Variants in EEFSEC observed in about 807,000 individuals in gnomAD.
EEFSEC encodes the protein selenocysteine-specific elongation factor.
A neutral mutation model predicts 42.1 loss-of-function variants in EEFSEC; 43 were observed. The ratio of observed to expected loss-of-function variants is 1.02; its 90% CI spans 0.80 to 1.32. EEFSEC has a LOEUF of 1.32. EEFSEC is among the 40% of genes most tolerant of loss of function. The pLI, the probability that EEFSEC is intolerant of heterozygous loss-of-function variation, is 0.00. For missense variants in EEFSEC, 745 were observed against 803.6 expected (o/e 0.93, Z 0.88); for synonymous variants, 354 against 339.1 (o/e 1.04, Z -0.48).
intron 6 of EEFSEC, among the ~76,000 whole-genome samples, chr3:128,379,052 C>G (rs551125853): frequency 1.3e-5 from 2 of 152,318 alleles, no homozygotes; most frequent in Admixed American, 1.3e-4. Flanking sequence ...AACCATCCAT[C>G]TTTCTCCTGG....
intron 1 of EEFSEC, among the ~76,000 whole-genome samples, chr3:128,243,470 G>A (rs1356675037): frequency 6.6e-6 from 1 of 152,210 alleles, no homozygotes; most frequent in African/African-American, 2.4e-5. Flanking sequence ...TGTTGAAGAA[G>A]AGGAACAGAT....
chr3:128,269,046 T>G (rs778631102), intron 4 of EEFSEC, among the ~76,000 whole-genome samples: 4 of 152,220 alleles, frequency 2.6e-5, no homozygotes, highest in Non-Finnish European at 4.4e-5. Context: ...GCTCACCATC[T>G]TGGGCTTCTG....
Position 128,358,331 on chromosome 3 carries a change from A to C in EEFSEC, c.1558A>C (p.Ser520Arg). The C allele has an allele frequency of 6.2e-7, 1 of 1,614,268 alleles. No homozygotes were observed. Among genetic ancestry groups the C allele is most frequent in the Non-Finnish European group, 8.5e-7 (1 of 1,180,042 alleles). Residue 520 changes from serine (S) to arginine (R), a missense_variant, in exon 6 of 7, where the codon AGT (serine) becomes CGT (arginine). Coordinates refer to ENST00000254730, the MANE Select transcript of EEFSEC (RefSeq NM_021937.5). ...LSTGELGIID[S>R]AFGQSGKFKI... ...CACTGGGGAACTGGGCATCATCGAC[A>C]GTGCCTTCGGCCAGAGCGGCAAGTT... is the stretch of plus-strand genomic sequence containing the variant.
In EEFSEC at chr3:128,394,836, G is replaced by A. The variant is rs72977378; in HGVS notation, c.1601-13233G>A. Among the ~76,000 whole-genome samples the A allele has an allele frequency of 9.2e-4, 140 of 152,324 alleles. 1 individual carries two copies. The highest frequency in any genetic ancestry group is 3.2e-3 in the African/African-American group (135 of 41,564). Reference sequence around the variant, plus strand: ...GGGTGAGTCCTAGCCCCACAGGGGAGCAGAGGACAGCCTGAGAGCATATGG... The same window carrying A: ...GGGTGAGTCCTAGCCCCACAGGGGAACAGAGGACAGCCTGAGAGCATATGG... On this transcript the variant is annotated intron_variant, in intron 6 of 6. Transcript: ENST00000254730.
intron 1 of EEFSEC, among the ~76,000 whole-genome samples, chr3:128,237,171 A>G (rs2066021618): frequency 6.6e-6 from 1 of 152,250 alleles, no homozygotes; most frequent in African/African-American, 2.4e-5. Context: ...TGTATGTAGT[A>G]TGCATTTTAA....
In EEFSEC at chr3:128,171,678, A is replaced by G. The variant is rs115498243; in HGVS notation, c.316+17855A>G. Among the ~76,000 whole-genome samples, 698 of 152,266 alleles carry G rather than the reference A, an allele frequency of 4.6e-3. 4 individuals are homozygous for G. Among genetic ancestry groups the G allele is most frequent in the African/African-American group, 0.015 (615 of 41,552 alleles). On this transcript the variant is annotated intron_variant, in intron 1 of 6. Transcript: ENST00000254730. ...GATCTCCCTGCCTTCCAGAGGCACA[A>G]TGTTCTATCTGAACCATAGGCCATG...
At chr3:128,378,234 A>T (rs1173474070) in intron 6 of EEFSEC, among the ~76,000 whole-genome samples, 1 of 152,142 alleles carries the variant, frequency 6.6e-6, no homozygotes. Context: ...TCTCATCCAG[A>T]TGCCCTTTGT....
At chr3:128,195,485 A>C (rs1014616416) in intron 1 of EEFSEC, among the ~76,000 whole-genome samples, 4 of 152,178 alleles carry the variant, frequency 2.6e-5, no homozygotes, top group African/African-American at 9.6e-5. Context: ...TGATCAGCAG[A>C]TAAAAGGACA....
At chr3:128,415,428 A>G in the EEFSEC span, among the ~76,000 whole-genome samples, 1 of 151,154 alleles carries the variant, frequency 6.6e-6, no homozygotes, top group Non-Finnish European at 1.5e-5. Flanking sequence ...TCTGGGTGGA[A>G]GTTGTGTAAT....
At chr3:128,380,780 G>T (rs138922523) in intron 6 of EEFSEC, among the ~76,000 whole-genome samples, 1 of 152,214 alleles carries the variant, frequency 6.6e-6, no homozygotes, top group African/African-American at 2.4e-5. Flanking sequence ...TTGTGTCCAC[G>T]TCTCCACAAT....
In EEFSEC at chr3:128,312,907, T is replaced by G. The variant is rs373541848; in HGVS notation, c.787-28326T>G. 5.3e-5 allele frequency among the ~76,000 whole-genome samples: 8 copies of G among 152,354 alleles called. No homozygotes were observed. In the East Asian group the frequency reaches 1.5e-3, roughly 29 times the overall value. On this transcript the variant is annotated intron_variant, in intron 4 of 6. Transcript: ENST00000254730. ...ATTCTAAACTTCTAGAAAGAGATAGTTCCCTGGGAAGATGGTCTGGTTTGA... is the reference window on the plus strand; with the variant it reads ...ATTCTAAACTTCTAGAAAGAGATAGGTCCCTGGGAAGATGGTCTGGTTTGA...
intron 1 of EEFSEC, among the ~76,000 whole-genome samples, chr3:128,236,935 C>G (rs773021797): frequency 1.3e-5 from 2 of 152,218 alleles, no homozygotes; most frequent in African/African-American, 2.4e-5. Context: ...TTTGCTCTAC[C>G]CTACTGGACT....
intron 6 of EEFSEC, among the ~76,000 whole-genome samples, chr3:128,401,739 T>G (rs966134696): frequency 6.6e-6 from 1 of 151,968 alleles, no homozygotes; most frequent in Non-Finnish European, 1.5e-5. Context: ...GATAGCCAGG[T>G]GGGATGAGGG....
chr3:128,247,169 C>T (rs1260288541), intron 2 of EEFSEC, 126 bp downstream of exon 2: 3 of 999,828 alleles, frequency 3.0e-6, no homozygotes, highest in Non-Finnish European at 4.5e-6. Flanking sequence ...GAGATCTCAA[C>T]CTGGCATTTG....
At chr3:128,228,917 T>G (rs893988032) in intron 1 of EEFSEC, among the ~76,000 whole-genome samples, 16 of 152,230 alleles carry the variant, frequency 1.1e-4, no homozygotes, top group African/African-American at 3.9e-4. Context: ...GGAAAGGGCT[T>G]GGTAAGAATA....
At chr3:128,417,864 C>A in the EEFSEC span, among the ~76,000 whole-genome samples, 2 of 152,040 alleles carry the variant, frequency 1.3e-5, no homozygotes, top group Non-Finnish European at 2.9e-5. This position sits in a 1 kb window ranked among gnomAD's most constrained non-coding sequence, Gnocchi z 4.3. Context: ...CCATGCTGCA[C>A]CCCAGGTCCT....
intron 1 of EEFSEC, among the ~76,000 whole-genome samples, chr3:128,158,255 ACTC>A: frequency 6.6e-6 from 1 of 152,268 alleles, no homozygotes; most frequent in Non-Finnish European, 1.5e-5. Flanking sequence ...GATGGAACCT[ACTC>A]CTGGTGAAGA....
intron 6 of EEFSEC, among the ~76,000 whole-genome samples, chr3:128,399,439 C>T (rs929657665): frequency 4.6e-5 from 7 of 152,220 alleles, no homozygotes; most frequent in African/African-American, 1.4e-4. Context: ...CCCGCTCCGC[C>T]GCCTGCTTCC....
chr3:128,211,661 G>A (rs888419431), intron 1 of EEFSEC, among the ~76,000 whole-genome samples: 5 of 151,376 alleles, frequency 3.3e-5, no homozygotes, highest in Admixed American at 6.6e-5. Context: ...GACTACAGGT[G>A]CATGCCACTG....
Sources: allele counts gnomAD v4.1 joint callset (sites outside exome capture counted in the v4.1 genomes callset), GRCh38; gene constraint gnomAD v4.1.1; non-coding constraint Gnocchi (gnomAD v3.1); transcripts MANE v1.5; gene names NCBI Gene and HGNC (gene_info 2026-07-23, HGNC 2026-07-21).